Variants in PABPC4L observed in about 807,000 individuals in gnomAD.
PABPC4L encodes polyadenylate-binding protein 4-like.
For missense variants in PABPC4L, 452 were observed against 451.4 expected (o/e 1.00, Z -0.01); for synonymous variants, 169 against 164.1 (o/e 1.03, Z -0.23).
the PABPC4L span, among the ~76,000 whole-genome samples, chr4:134,044,064 A>C: frequency 6.6e-6 from 1 of 150,996 alleles, no homozygotes; most frequent in Non-Finnish European, 1.5e-5. Context: ...TGATCCCTCC[A>C]CCTCAGCCTC....
the PABPC4L span, among the ~76,000 whole-genome samples, chr4:134,014,876 A>C: frequency 3.9e-5 from 6 of 151,984 alleles, no homozygotes; most frequent in Non-Finnish European, 8.8e-5. Flanking sequence ...GTGCCAACTT[A>C]GACAATACTC....
chr4:134,013,345 G>T, the PABPC4L span, among the ~76,000 whole-genome samples: 1 of 151,594 alleles, frequency 6.6e-6, no homozygotes, highest in African/African-American at 2.4e-5. Context: ...TTTTCTGGAG[G>T]GCAAGAACCC....
the PABPC4L span, among the ~76,000 whole-genome samples, chr4:134,131,903 A>G: frequency 4.6e-5 from 7 of 151,984 alleles, no homozygotes; most frequent in African/African-American, 7.2e-5. Flanking sequence ...GAAACCAGAA[A>G]TAAACTCAAA....
the PABPC4L span, among the ~76,000 whole-genome samples, chr4:134,170,419 T>A: frequency 6.6e-6 from 1 of 152,266 alleles, no homozygotes; most frequent in African/African-American, 2.4e-5. Flanking sequence ...TGCACTGCTA[T>A]AAAGAAATAC....
chr4:134,068,826 A>G, the PABPC4L span, among the ~76,000 whole-genome samples: 1 of 151,400 alleles, frequency 6.6e-6, no homozygotes, highest in East Asian at 2.0e-4. Context: ...CTCCTGCCTC[A>G]GCCTCCCAAG....
chr4:133,953,912 G>A, the PABPC4L span, among the ~76,000 whole-genome samples: 2 of 152,296 alleles, frequency 1.3e-5, no homozygotes, highest in Non-Finnish European at 2.9e-5. Flanking sequence ...GCTAAACCAA[G>A]CGGATCTTTT....
At chr4:134,045,076 A>C in the PABPC4L span, among the ~76,000 whole-genome samples, 1 of 152,148 alleles carries the variant, frequency 6.6e-6, no homozygotes, top group Admixed American at 6.6e-5. Context: ...CGCAAGAGGA[A>C]ATTAAATAAA....
At chr4:134,038,014 T>A in the PABPC4L span, among the ~76,000 whole-genome samples, 5 of 152,190 alleles carry the variant, frequency 3.3e-5, no homozygotes, top group African/African-American at 9.6e-5. Flanking sequence ...CTTAGTTTAT[T>A]GAGAGTTTTT....
At chr4:133,973,753 A>G in the PABPC4L span, among the ~76,000 whole-genome samples, 1 of 152,188 alleles carries the variant, frequency 6.6e-6, no homozygotes, top group Non-Finnish European at 1.5e-5. Context: ...TTAACAATGC[A>G]TATACAACAC....
rs1244513107 is a variant in PABPC4L, at chr4:134,197,370, T to G, written c.*2537A>C. ...CATTGAGAATATGAAAATCTGAAAG[T>G]CATAAACACAATACAGATAAATTGT... On this transcript the variant is annotated 3_prime_UTR_variant, in exon 2 of 2. Transcript: ENST00000421491. 1 of 151,720 alleles carries G rather than the reference T, an allele frequency of 6.6e-6. No homozygotes were observed. The highest frequency in any genetic ancestry group is 1.5e-5 in the Non-Finnish European group (1 of 67,674). 9.4% of individuals were successfully genotyped at this position (151,720 alleles called of 1,614,324 possible).
chr4:133,970,769 C>A, the PABPC4L span, among the ~76,000 whole-genome samples: 1 of 151,968 alleles, frequency 6.6e-6, no homozygotes, highest in African/African-American at 2.4e-5. Flanking sequence ...AGATTAGTGT[C>A]CTTATTAAAA....
downstream of PABPC4L, among the ~76,000 whole-genome samples, chr4:134,194,748 C>A (rs1258785747): frequency 6.6e-6 from 1 of 151,674 alleles, no homozygotes; most frequent in Non-Finnish European, 1.5e-5. Context: ...CAGGAACTAT[C>A]CTGACAGTTT....
At chr4:134,090,885 G>T in the PABPC4L span, among the ~76,000 whole-genome samples, 9 of 152,076 alleles carry the variant, frequency 5.9e-5, no homozygotes, top group African/African-American at 1.9e-4. Context: ...TCTGTTTCTG[G>T]ATTTTCTATT....
At chr4:134,125,797 A>G in the PABPC4L span, among the ~76,000 whole-genome samples, 1 of 152,190 alleles carries the variant, frequency 6.6e-6, no homozygotes, top group African/African-American at 2.4e-5. Flanking sequence ...CACAGAGTTT[A>G]AAATTAAAAG....
At chr4:134,133,813 C>T in the PABPC4L span, among the ~76,000 whole-genome samples, 1 of 151,852 alleles carries the variant, frequency 6.6e-6, no homozygotes, top group South Asian at 2.1e-4. Flanking sequence ...TTCCCCAAAA[C>T]CTATTGAAAT....
At chr4:133,949,828 T>G in the PABPC4L span, among the ~76,000 whole-genome samples, 2 of 152,126 alleles carry the variant, frequency 1.3e-5, no homozygotes, top group South Asian at 4.1e-4. Flanking sequence ...GTAGAGGATA[T>G]GGCCAGTATA....
At chr4:134,146,572 G>A in the PABPC4L span, among the ~76,000 whole-genome samples, 1 of 152,036 alleles carries the variant, frequency 6.6e-6, no homozygotes, top group East Asian at 1.9e-4. Context: ...CTGCAGTTTG[G>A]TGAGTTTTGG....
chr4:134,175,607 T>C, the PABPC4L span, among the ~76,000 whole-genome samples: 5 of 151,884 alleles, frequency 3.3e-5, no homozygotes, highest in Non-Finnish European at 7.4e-5. Context: ...TGCCATCACG[T>C]CTGGCTAATT....
the PABPC4L span, among the ~76,000 whole-genome samples, chr4:134,188,886 CT>C: frequency 1.3e-5 from 2 of 151,856 alleles, no homozygotes; most frequent in Non-Finnish European, 2.9e-5. Flanking sequence ...TCAGGTATTT[CT>C]TTTGTTTCAT....
Sources: allele counts gnomAD v4.1 joint callset (sites outside exome capture counted in the v4.1 genomes callset), GRCh38; gene constraint gnomAD v4.1.1; transcripts MANE v1.5; gene names NCBI Gene and HGNC (gene_info 2026-07-23, HGNC 2026-07-21).